The following SYCE1L variants were observed in gnomAD, a reference collection of about 807,000 sequenced individuals.
SYCE1L encodes the protein synaptonemal complex central element protein 1-like.
Under a neutral mutation model 39.6 loss-of-function variants are expected in SYCE1L, and 51 were observed. The ratio of observed to expected loss-of-function variants is 1.29; its 90% CI spans 1.03 to 1.63. The LOEUF (loss-of-function observed/expected upper bound fraction) is 1.63. Among genes scored for constraint, SYCE1L ranks in the 40% most tolerant of loss-of-function variants. The probability of loss-of-function intolerance (pLI) is 0.00; values close to 1 mark genes in which losing one functional copy is unlikely to be tolerated. For synonymous variants in SYCE1L, 147 were observed against 122.4 expected (o/e 1.20, Z -1.33); for missense variants, 426 against 304.9 (o/e 1.40, Z -2.96).
intron 1 of SYCE1L, chr16:77,201,682 T>C (rs1418028982): frequency 2.0e-5 from 3 of 152,140 alleles, no homozygotes; most frequent in Non-Finnish European, 2.9e-5. Flanking sequence ...ACACAAGAAG[T>C]AGTCACAGAA....
intron 6 of SYCE1L, among the ~76,000 whole-genome samples, chr16:77,209,792 A>C (rs1011367557): frequency 3.3e-5 from 5 of 152,156 alleles, no homozygotes; most frequent in Non-Finnish European, 7.4e-5. Flanking sequence ...TTTAAGCCCC[A>C]GTCATCCATT....
At chr16:77,205,651 C>G (rs936571076) in intron 1 of SYCE1L, among the ~76,000 whole-genome samples, 1 of 152,044 alleles carries the variant, frequency 6.6e-6, no homozygotes, top group Non-Finnish European at 1.5e-5. Flanking sequence ...TGATGTTGAG[C>G]ACATCCCCAG....
chr16:77,199,505 G>T lies in SYCE1L; in HGVS notation c.54G>T (p.Glu18Asp). ...TGGAGGCGCCAGAAGCTACTGAGGA[G>T]GCTGAAGGTAGTGAGGGCAAGTGGG... Reference protein sequence around the residue: ...LNVEAPEATEEAEGQAKSLKT... With the variant: ...LNVEAPEATEDAEGQAKSLKT... Residue 18 changes from glutamate (E) to aspartate (D), a missense_variant, in exon 1 of 11, where the codon GAG becomes GAT. Glu to Asp is a conservative substitution (Grantham distance 45, BLOSUM62 2). Coordinates refer to ENST00000378644, the MANE Select transcript of SYCE1L (RefSeq NM_001129979.3). 6.4e-7 allele frequency: 1 copy of T among 1,551,452 alleles called. No individual in the cohort carries two copies. Among genetic ancestry groups the T allele is most frequent in the Non-Finnish European group, 8.7e-7 (1 of 1,146,924 alleles).
Position 77,199,578 on chromosome 16 carries a change from C to A in SYCE1L, c.61+66C>A, listed in dbSNP as rs939729932. 7 of 1,227,430 alleles carry A rather than the reference C, an allele frequency of 5.7e-6. No individual in the cohort carries two copies. The African/African-American group carries it at 9.2e-5, about 16-fold the overall frequency. 76.0% of individuals were successfully genotyped at this position (1,227,430 alleles called of 1,614,324 possible). A position where few individuals can be genotyped will look rare whatever the true frequency, so the allele number is the denominator to read the frequency against. ...AGGGCAGAAAGGAGGGAGGATTCGT[C>A]CCATTACAATAATGAAATAATGATA... On this transcript the variant is annotated intron_variant, in intron 1 of 10. Coordinates refer to ENST00000378644, the MANE Select transcript of SYCE1L (RefSeq NM_001129979.3).
At chr16:77,201,109 C>T (rs1268902988) in intron 1 of SYCE1L, 1 of 152,166 alleles carries the variant, frequency 6.6e-6, no homozygotes, top group Non-Finnish European at 1.5e-5. Context: ...CCTCTCGCTC[C>T]CCTGCACCTA....
chr16:77,206,972 C>A (rs1222952340), intron 2 of SYCE1L, among the ~76,000 whole-genome samples: 1 of 152,054 alleles, frequency 6.6e-6, no homozygotes, highest in African/African-American at 2.4e-5. Flanking sequence ...AGAGGTGAGA[C>A]CCCCAGCCCA....
chr16:77,211,568 A>T (rs1013339454), intron 7 of SYCE1L, among the ~76,000 whole-genome samples: 30 of 152,168 alleles, frequency 2.0e-4, no homozygotes, highest in African/African-American at 7.2e-4. Context: ...GGCAAATGGC[A>T]GCCCAGGGAA....
intron 1 of SYCE1L, chr16:77,201,085 A>G (rs1156981779): frequency 6.6e-6 from 1 of 152,232 alleles, no homozygotes; most frequent in Non-Finnish European, 1.5e-5. Context: ...CTCCATGAGA[A>G]CAGAGACTGT....
chr16:77,208,689 T>G (rs2054802881), intron 4 of SYCE1L, 150 bp downstream of exon 4: 1 of 794,844 alleles, frequency 1.3e-6, no homozygotes, highest in Admixed American at 2.8e-5. Flanking sequence ...CTTTCAGCTC[T>G]CAGCTCAAAT....
intron 10 of SYCE1L, 99 bp from the exon 11 acceptor site, chr16:77,212,758 C>G (rs1033466567): frequency 7.0e-7 from 1 of 1,420,156 alleles, no homozygotes; most frequent in Non-Finnish European, 9.2e-7. Flanking sequence ...GCAGGGCGGC[C>G]CCGGGGACAG....
chr16:77,208,362 C>T (rs1302217970), intron 3 of SYCE1L, 93 bp downstream of exon 3: 2 of 1,540,112 alleles, frequency 1.3e-6, no homozygotes, highest in African/African-American at 2.8e-5. Context: ...AATCTAGGCC[C>T]CTCTAGGGTT....
chr16:77,212,283 G>T lies in SYCE1L; in HGVS notation c.495G>T (p.Arg165Ser), dbSNP rs1406720539. Residue 165 changes from arginine (R) to serine (S), a missense_variant and splice_region_variant, in exon 9 of 11, where the codon AGG becomes AGT. Transcript: ENST00000378644. ...CCCCTGACGCCCGCCCACCGACAGG[G>T]AGGCTGGTGCGCGCCAAGCTGCGGG... ...ERSKEQLLSE[R>S]RLVRAKLREV... The T allele has an allele frequency of 3.3e-6, 5 of 1,521,248 alleles. No homozygotes were observed. Among genetic ancestry groups the T allele is most frequent in the Non-Finnish European group, 4.4e-6 (5 of 1,135,262 alleles). 94.2% of individuals were successfully genotyped at this position (1,521,248 alleles called of 1,614,324 possible). A position where few individuals can be genotyped will look rare whatever the true frequency, so the allele number is the denominator to read the frequency against.
At chr16:77,208,621 T>A in intron 4 of SYCE1L, 82 bp downstream of exon 4, 1 of 1,282,124 alleles carries the variant, frequency 7.8e-7, no homozygotes, top group African/African-American at 1.5e-5. Context: ...GGCTGCTCCC[T>A]GGCCTACAAT....
At chr16:77,207,654 C>G (rs145353827) in intron 2 of SYCE1L, among the ~76,000 whole-genome samples, 682 of 152,284 alleles carry the variant, frequency 4.5e-3, no homozygotes, top group Middle Eastern at 0.01. Context: ...AAGGCTTCCA[C>G]GGTGGCCCAA....
At chr16:77,200,210 ATATG>A (rs1215982497) in intron 1 of SYCE1L, 12 of 142,434 alleles carry the variant, frequency 8.4e-5, no homozygotes, top group South Asian at 4.4e-4. Flanking sequence ...ATGTGTATTT[ATATG>A]TATGTATGTA....
rs1325825503 is a variant in SYCE1L at position 77,208,552 on chromosome 16, A to G, written c.256+13A>G. ...GAATTAGACTCCTGTAAGTGGGGCC[A>G]AAAGAGGGACCCATCAACACTGCAG... On this transcript the variant is annotated intron_variant, in intron 4 of 10. Transcript: ENST00000378644. 3 of 1,551,270 alleles carry G rather than the reference A, an allele frequency of 1.9e-6. No homozygotes were observed. The highest frequency in any genetic ancestry group is 2.6e-6 in the Non-Finnish European group (3 of 1,146,752).
At chr16:77,208,326 T>C in intron 3 of SYCE1L, 57 bp downstream of exon 3, 1 of 1,545,760 alleles carries the variant, frequency 6.5e-7, no homozygotes, top group Non-Finnish European at 8.7e-7. Flanking sequence ...ACTGGATTTA[T>C]AATGAATCCA....
In SYCE1L at chr16:77,212,414, C is replaced by A. The variant is rs970041275; in HGVS notation, c.581+45C>A. 7 of 1,529,168 alleles carry A rather than the reference C, an allele frequency of 4.6e-6. No homozygotes were observed. In the Admixed American group the frequency reaches 6.3e-5, roughly 14 times the overall value. The allele number at this position is 1,529,168 out of a possible 1,614,324, so 94.7% of individuals were successfully genotyped here. A position where few individuals can be genotyped will look rare whatever the true frequency, so the allele number is the denominator to read the frequency against. On this transcript the variant is annotated intron_variant, in intron 9 of 10. Coordinates refer to ENST00000378644, the MANE Select transcript of SYCE1L (RefSeq NM_001129979.3). The stretch of plus-strand genomic sequence containing the variant: ...GTGGGCGAGGAGGGCAGGGGCAGGG[C>A]GGAGGGGAACCCGCCCAGGTCCCCC...
intron 6 of SYCE1L, 140 bp from the exon 7 acceptor site, chr16:77,211,073 C>G (rs1024006185): frequency 1.1e-6 from 1 of 884,356 alleles, no homozygotes; most frequent in Non-Finnish European, 1.8e-6. Context: ...CTACGGGAAC[C>G]AAAGCTTAGA....
Sources: allele counts gnomAD v4.1 joint callset (sites outside exome capture counted in the v4.1 genomes callset), GRCh38; gene constraint gnomAD v4.1.1; transcripts MANE v1.5; gene names NCBI Gene and HGNC (gene_info 2026-07-23, HGNC 2026-07-21).